The following KCNU1 variants were observed in gnomAD, a reference collection of about 807,000 sequenced individuals.
The protein encoded by KCNU1 is potassium calcium-activated channel subfamily U member 1.
Under a neutral mutation model 126.8 loss-of-function variants are expected in KCNU1, and 93 were observed. The ratio of observed to expected loss-of-function variants is 0.73; its 90% CI spans 0.62 to 0.87. KCNU1 has a LOEUF of 0.87. Among genes scored for constraint, KCNU1 ranks in the 40% least tolerant of loss-of-function variants. The pLI, the probability that KCNU1 is intolerant of heterozygous loss-of-function variation, is 0.00. For missense variants in KCNU1, 1,330 were observed against 1,367.1 expected (o/e 0.97, Z 0.43); for synonymous variants, 523 against 494.2 (o/e 1.06, Z -0.77).
At chr8:36,917,155 G>T (rs1181766594) in intron 22 of KCNU1, among the ~76,000 whole-genome samples, 1 of 152,128 alleles carries the variant, frequency 6.6e-6, no homozygotes, top group East Asian at 1.9e-4. Context: ...ACCTTCCAAA[G>T]ATTTCACTCT....
intron 19 of KCNU1, among the ~76,000 whole-genome samples, chr8:36,879,413 A>G (rs1806395621): frequency 6.6e-6 from 1 of 151,934 alleles, no homozygotes; most frequent in South Asian, 2.1e-4. Flanking sequence ...TATGTCTGGT[A>G]TGCAAGAAAA....
intron 19 of KCNU1, among the ~76,000 whole-genome samples, chr8:36,881,719 T>C (rs947767148): frequency 6.6e-6 from 1 of 151,930 alleles, no homozygotes; most frequent in African/African-American, 2.4e-5. Flanking sequence ...GTGAGTCACT[T>C]AATTTCTCTT....
chr8:36,800,995 G>A (rs1398099096), intron 2 of KCNU1, among the ~76,000 whole-genome samples: 1 of 152,180 alleles, frequency 6.6e-6, no homozygotes, highest in Non-Finnish European at 1.5e-5. Context: ...CCTTAGGGGT[G>A]TTTCTGGACC....
At chr8:36,930,346 G>T (rs897882052) in intron 24 of KCNU1, among the ~76,000 whole-genome samples, 2 of 152,002 alleles carry the variant, frequency 1.3e-5, no homozygotes, top group Non-Finnish European at 2.9e-5. Flanking sequence ...GTTTCATTTG[G>T]ATGTCAAAGA....
At chr8:36,930,883 C>A (rs1808680607) in intron 24 of KCNU1, 68 bp from the exon 25 acceptor site, 3 of 1,124,092 alleles carry the variant, frequency 2.7e-6, no homozygotes, top group Admixed American at 2.6e-5. Context: ...AATCTCCAAG[C>A]CTTTACCCCT....
chr8:36,871,084 C>A (rs1441814108), intron 19 of KCNU1, among the ~76,000 whole-genome samples: 1 of 152,040 alleles, frequency 6.6e-6, no homozygotes, highest in African/African-American at 2.4e-5. Flanking sequence ...GTCTCAATAG[C>A]AAGACCAAAG....
intron 10 of KCNU1, among the ~76,000 whole-genome samples, chr8:36,832,936 A>T (rs1190109170): frequency 3.3e-5 from 5 of 151,912 alleles, no homozygotes; most frequent in African/African-American, 1.2e-4. Flanking sequence ...TTAGCACTCT[A>T]TTTTTTTATT....
chr8:36,889,936 C>A (rs1395397758), intron 19 of KCNU1, among the ~76,000 whole-genome samples: 2 of 151,976 alleles, frequency 1.3e-5, no homozygotes, highest in African/African-American at 4.8e-5. Flanking sequence ...TTGTCAGAAA[C>A]CATAAGTAAG....
At chr8:36,864,588 A>C (rs1805842629) in intron 19 of KCNU1, 67 bp downstream of exon 19, 1 of 895,300 alleles carries the variant, frequency 1.1e-6, no homozygotes, top group South Asian at 1.3e-5. Flanking sequence ...TATATATTGT[A>C]TTTAAACCAG....
rs199841533 is a variant in KCNU1 at position 36,840,520 on chromosome 8, C to T, written c.1576C>T (p.Leu526=). 3 of 1,612,984 alleles carry T rather than the reference C, an allele frequency of 1.9e-6. No homozygotes were observed. Reference sequence around the variant, plus strand: ...CTTGAATAGCATGAAAAACAAAATTCTGACCCAACGTCTCTCTGATGACTT... The same window carrying T: ...CTTGAATAGCATGAAAAACAAAATTTTGACCCAACGTCTCTCTGATGACTT... The part of the protein sequence containing the change: ...HFLNSMKNKI[L]TQRLSDDFAG... Residue 526 remains leucine, a synonymous_variant, in exon 15 of 27, where the codon CTG becomes TTG. Coordinates refer to ENST00000399881, the MANE Select transcript of KCNU1 (RefSeq NM_001031836.3).
At chr8:36,859,078 C>A (rs527923798) in intron 18 of KCNU1, among the ~76,000 whole-genome samples, 5 of 152,250 alleles carry the variant, frequency 3.3e-5, no homozygotes, top group Admixed American at 2.6e-4. Flanking sequence ...ATGATGGCAG[C>A]AGAGTACCAT....
intron 26 of KCNU1, among the ~76,000 whole-genome samples, chr8:36,934,295 C>T (rs1808789572): frequency 6.6e-6 from 1 of 151,998 alleles, no homozygotes. Context: ...AAGATGGCTG[C>T]ACTAGAGTTT....
At chr8:36,887,457 T>TG (rs1485235288) in intron 19 of KCNU1, among the ~76,000 whole-genome samples, 2 of 150,478 alleles carry the variant, frequency 1.3e-5, no homozygotes, top group African/African-American at 2.4e-5. Flanking sequence ...TTTTTGTTTT[T>TG]TTTTTTTTTT....
intron 10 of KCNU1, among the ~76,000 whole-genome samples, chr8:36,818,970 G>A (rs559421422): frequency 3.3e-5 from 5 of 152,136 alleles, no homozygotes; most frequent in Non-Finnish European, 4.4e-5. Flanking sequence ...GGGATTAAAA[G>A]CTAATTATTA....
intron 2 of KCNU1, among the ~76,000 whole-genome samples, chr8:36,791,667 G>A (rs1049675059): frequency 6.6e-6 from 1 of 152,018 alleles, no homozygotes; most frequent in African/African-American, 2.4e-5. Context: ...TTGGAAATGG[G>A]AAAGAATATT....
At chr8:36,889,573 C>T (rs1806872645) in intron 19 of KCNU1, among the ~76,000 whole-genome samples, 1 of 151,764 alleles carries the variant, frequency 6.6e-6, no homozygotes, top group Non-Finnish European at 1.5e-5. Flanking sequence ...AGAAATTTTC[C>T]AAACTGATAT....
chr8:36,922,883 G>T (rs1162779219), intron 24 of KCNU1: 1 of 575,964 alleles, frequency 1.7e-6, no homozygotes, highest in Non-Finnish European at 3.2e-6. Flanking sequence ...AAGAGTGAGT[G>T]TCGGCCTCTC....
At chr8:36,837,179 A>G (rs1804782313) in intron 14 of KCNU1, among the ~76,000 whole-genome samples, 1 of 152,162 alleles carries the variant, frequency 6.6e-6, no homozygotes, top group Non-Finnish European at 1.5e-5. Flanking sequence ...TACAAAACAG[A>G]AAAAATATAA....
chr8:36,796,337 C>T lies in KCNU1; in HGVS notation c.316-7690C>T, dbSNP rs191647162. Among the ~76,000 whole-genome samples the T allele has an allele frequency of 2.4e-3, 370 of 152,182 alleles. 3 individuals carry two copies. Among genetic ancestry groups the T allele is most frequent in the African/African-American group, 8.5e-3 (355 of 41,534 alleles). Reference sequence around the variant, plus strand: ...CCTAGTACATGATCAATTTTTACTACCATGTAATGGTATTTTGAAAGACTG... The same window carrying T: ...CCTAGTACATGATCAATTTTTACTATCATGTAATGGTATTTTGAAAGACTG... On this transcript the variant is annotated intron_variant, in intron 2 of 26. Coordinates refer to ENST00000399881, the MANE Select transcript of KCNU1 (RefSeq NM_001031836.3).
Sources: gnomAD v4.1 joint callset for allele counts (sites outside exome capture counted in the v4.1 genomes callset) on GRCh38, gnomAD v4.1.1 for gene constraint, MANE v1.5 for transcripts, NCBI Gene and HGNC (gene_info 2026-07-23, HGNC 2026-07-21) for gene names.